The following SMYD3 variants were observed in gnomAD, a reference collection of about 807,000 sequenced individuals.
The protein encoded by SMYD3 is histone-lysine N-methyltransferase SMYD3.
Under a neutral mutation model 57.7 loss-of-function variants are expected in SMYD3, and 36 were observed. The ratio of observed to expected loss-of-function variants is 0.62; its 90% CI spans 0.48 to 0.82. The LOEUF (loss-of-function observed/expected upper bound fraction) is 0.82. SMYD3 is among the 40% of genes least tolerant of loss of function. The pLI, the probability that SMYD3 is intolerant of heterozygous loss-of-function variation, is 0.00. For missense variants in SMYD3, 515 were observed against 538.8 expected (o/e 0.96, Z 0.44); for synonymous variants, 211 against 195.0 (o/e 1.08, Z -0.68).
intron 1 of SMYD3, among the ~76,000 whole-genome samples, chr1:246,459,961 A>T (rs536393146): frequency 6.8e-6 from 1 of 147,112 alleles, no homozygotes; most frequent in East Asian, 2.1e-4. Context: ...AGAAGCAGGG[A>T]TGAAAAAACA....
chr1:246,379,942 C>T (rs1228595740), intron 1 of SMYD3, among the ~76,000 whole-genome samples: 1 of 150,976 alleles, frequency 6.6e-6, no homozygotes, highest in Non-Finnish European at 1.5e-5. Flanking sequence ...GGAGGTTGCA[C>T]CTCCCAGGGA....
intron 5 of SMYD3, among the ~76,000 whole-genome samples, chr1:245,978,245 T>C (rs2058500090): frequency 6.6e-6 from 1 of 152,214 alleles, no homozygotes; most frequent in Admixed American, 6.5e-5. Context: ...CCTTACTAAT[T>C]GATAAGTTCA....
At chr1:246,146,781 A>G (rs2061849631) in intron 5 of SMYD3, among the ~76,000 whole-genome samples, 1 of 152,118 alleles carries the variant, frequency 6.6e-6, no homozygotes, top group Non-Finnish European at 1.5e-5. Flanking sequence ...GCACAACAGC[A>G]CCAATTCTGA....
chr1:245,990,678 G>A (rs1022481140), intron 5 of SMYD3, among the ~76,000 whole-genome samples: 25 of 152,204 alleles, frequency 1.6e-4, no homozygotes, highest in African/African-American at 6.0e-4. Context: ...AAATAAGAGT[G>A]GCCTCTAGAA....
intron 5 of SMYD3, among the ~76,000 whole-genome samples, chr1:246,046,320 T>C (rs978732088): frequency 2.6e-5 from 4 of 152,138 alleles, no homozygotes; most frequent in Non-Finnish European, 5.9e-5. Flanking sequence ...TTCATGTCCT[T>C]TGTAGGGACA....
chr1:245,941,248 G>A (rs1173442170), intron 5 of SMYD3, among the ~76,000 whole-genome samples: 1 of 152,100 alleles, frequency 6.6e-6, no homozygotes, highest in Non-Finnish European at 1.5e-5. Flanking sequence ...ATAACTCAAG[G>A]TATCATCCAG....
At chr1:246,194,543 A>C (rs1346339804) in intron 5 of SMYD3, among the ~76,000 whole-genome samples, 9 of 152,204 alleles carry the variant, frequency 5.9e-5, no homozygotes, top group African/African-American at 2.2e-4. Context: ...CTGGGATTAC[A>C]GGCGTCAGCC....
At chr1:246,468,153 T>C (rs1349613078) in intron 1 of SMYD3, among the ~76,000 whole-genome samples, 3 of 124,028 alleles carry the variant, frequency 2.4e-5, no homozygotes, top group East Asian at 4.4e-4. Context: ...AGAACAAGAC[T>C]CTGTCTTAAA....
intron 10 of SMYD3, among the ~76,000 whole-genome samples, chr1:245,790,623 C>T (rs751133360): frequency 3.3e-5 from 5 of 152,206 alleles, no homozygotes; most frequent in African/African-American, 4.8e-5. Context: ...CTCTTTTGGT[C>T]AGAGGGAGAG....
intron 5 of SMYD3, among the ~76,000 whole-genome samples, chr1:246,059,559 G>C (rs1359620014): frequency 6.6e-6 from 1 of 152,084 alleles, no homozygotes; most frequent in Non-Finnish European, 1.5e-5. Flanking sequence ...TGCATATCTT[G>C]TGAGTCTAAA....
In SMYD3 at chr1:246,347,857, T is replaced by A. The variant is rs546813301; in HGVS notation, c.228+7174A>T. 1.2e-3 allele frequency among the ~76,000 whole-genome samples: 189 copies of A among 151,992 alleles called. 1 individual carries two copies. The highest frequency in any genetic ancestry group is 2.4e-3 in the Non-Finnish European group (163 of 67,990). On this transcript the variant is annotated intron_variant, in intron 2 of 11. Transcript: ENST00000490107. ...GGAATGTAAATTAGTTCAGCCACTG[T>A]GGAGACAGTTTGGAGACTTGAACTA... is the stretch of plus-strand genomic sequence containing the variant.
At chr1:245,858,787 T>A in intron 9 of SMYD3, 117 bp from the exon 10 acceptor site, 1 of 1,031,708 alleles carries the variant, frequency 9.7e-7, no homozygotes, top group Non-Finnish European at 1.4e-6. Flanking sequence ...GCACCCGTTA[T>A]TTTTCACAGA....
Position 246,280,932 on chromosome 1 carries a change from C to T in SMYD3, c.531+46269G>A, listed in dbSNP as rs941150216. On this transcript the variant is annotated intron_variant, in intron 5 of 11. Transcript: ENST00000490107. ...CAAATGGAAGGATGCCTTCCTCAGA[C>T]CTTTGTCTATTTTATTTGCAAAAAC... Among the ~76,000 whole-genome samples, 5 of 152,160 alleles carry T rather than the reference C, an allele frequency of 3.3e-5. No homozygotes were observed. The East Asian group carries it at 5.8e-4, about 18-fold the overall frequency.
chr1:246,404,460 C>G (rs546164528), intron 1 of SMYD3, among the ~76,000 whole-genome samples: 1 of 152,352 alleles, frequency 6.6e-6, no homozygotes, highest in Admixed American at 6.5e-5. Context: ...GACATGAAGA[C>G]ATGGCCACGA....
chr1:246,294,282 G>A (rs2064752285), intron 5 of SMYD3, among the ~76,000 whole-genome samples: 1 of 152,194 alleles, frequency 6.6e-6, no homozygotes, highest in South Asian at 2.1e-4. Flanking sequence ...CCTGATGAAT[G>A]ATAGACAATT....
At chr1:246,331,251 G>T (rs2065456780) in intron 3 of SMYD3, among the ~76,000 whole-genome samples, 1 of 152,144 alleles carries the variant, frequency 6.6e-6, no homozygotes, top group Non-Finnish European at 1.5e-5. Context: ...ATTTCACAGA[G>T]TTTACTGTTT....
At chr1:246,057,776 A>G (rs2060178143) in intron 5 of SMYD3, among the ~76,000 whole-genome samples, 1 of 152,220 alleles carries the variant, frequency 6.6e-6, no homozygotes, top group African/African-American at 2.4e-5. Context: ...TTAAAAACTT[A>G]TGTCCACACA....
At chr1:245,761,934 C>T (rs539929332) in intron 11 of SMYD3, among the ~76,000 whole-genome samples, 9 of 151,984 alleles carry the variant, frequency 5.9e-5, no homozygotes, top group African/African-American at 1.7e-4. Flanking sequence ...TTCAGGCACC[C>T]GTTATCATGC....
At chr1:246,448,709 A>T (rs2067586970) in intron 1 of SMYD3, among the ~76,000 whole-genome samples, 2 of 148,858 alleles carry the variant, frequency 1.3e-5, no homozygotes, top group African/African-American at 4.9e-5. Flanking sequence ...TTTTTTAAAA[A>T]AAAAAAAAAA....
Sources: allele counts gnomAD v4.1 joint callset (sites outside exome capture counted in the v4.1 genomes callset), GRCh38; gene constraint gnomAD v4.1.1; transcripts MANE v1.5; gene names NCBI Gene and HGNC (gene_info 2026-07-23, HGNC 2026-07-21).